PKP3: variants seen among roughly 807,000 people sequenced by gnomAD.
PKP3 encodes plakophilin 3, also known as plakophilin-3.
A neutral mutation model predicts 76.5 loss-of-function variants in PKP3; 66 were observed. The ratio of observed to expected loss-of-function variants is 0.86; its 90% CI spans 0.71 to 1.06. The LOEUF is 1.06. Ranked by LOEUF, PKP3 falls within the 50% of genes least tolerant of loss-of-function variation. The pLI is 0.00. For missense variants in PKP3, 1,338 were observed against 1,141.0 expected (o/e 1.17, Z -2.49); for synonymous variants, 638 against 516.5 (o/e 1.24, Z -3.19).
intron 1 of PKP3, among the ~76,000 whole-genome samples, 161 bp downstream of exon 1, chr11:394,685 T>G (rs554382627): frequency 1.3e-5 from 2 of 152,074 alleles, no homozygotes; most frequent in South Asian, 4.1e-4. Flanking sequence ...GGAGAAGCCA[T>G]GGGTGGGGCT....
upstream of PKP3, chr11:392,622 C>A (rs1295995173): frequency 7.8e-7 from 1 of 1,284,382 alleles, no homozygotes. Flanking sequence ...ACGCGCCGGG[C>A]CAGGGATGGA....
At chr11:403,580 G>C in intron 9 of PKP3, 38 bp from the exon 10 acceptor site, 1 of 1,591,520 alleles carries the variant, frequency 6.3e-7, no homozygotes, top group Middle Eastern at 1.8e-4. Flanking sequence ...GAGGGTCTGA[G>C]GCCTCCGGGT....
rs1389553359 is a variant in PKP3 at position 400,593 on chromosome 11, T to A, written c.1625T>A (p.Met542Lys). The A allele has an allele frequency of 6.8e-7, 1 of 1,469,896 alleles. No individual in the cohort carries two copies. Among genetic ancestry groups the A allele is most frequent in the Non-Finnish European group, 8.9e-7 (1 of 1,120,258 alleles). The allele number at this position is 1,469,896 out of a possible 1,614,324, so 91.1% of individuals were successfully genotyped here. The stretch of plus-strand genomic sequence containing the variant: ...CTGTCCTACCGCCTCTACGACGAGA[T>A]GCCGCCGTCCGCGCTGCAGCGGCTG... Reference protein sequence around the residue: ...RNLSYRLYDEMPPSALQRLEG... With the variant: ...RNLSYRLYDEKPPSALQRLEG... Residue 542 changes from methionine (M) to lysine (K), a missense_variant, in exon 8 of 13, where the codon ATG becomes AAG. Transcript: ENST00000331563.
chr11:404,644 C>A lies in PKP3; in HGVS notation c.*75C>A. On this transcript the variant is annotated 3_prime_UTR_variant, in exon 13 of 13. Transcript: ENST00000331563. The surrounding 1 kb of genome is among the most constrained non-coding windows in gnomAD (Gnocchi z 4.2). ...GACTCAGCTCCAGGCTGCTTGGCAG[C>A]CCAGCCTGGAGGAGAAGGCTAATGA... The A allele has an allele frequency of 6.9e-7, 1 of 1,455,304 alleles. No individual in the cohort carries two copies. Among genetic ancestry groups the A allele is most frequent in the South Asian group, 1.1e-5 (1 of 87,678 alleles). 90.1% of individuals were successfully genotyped at this position (1,455,304 alleles called of 1,614,324 possible).
chr11:400,442 C>G lies in PKP3; in HGVS notation c.1557C>G (p.Cys519Trp). 2.6e-6 allele frequency: 4 copies of G among 1,545,412 alleles called. No individual in the cohort carries two copies. Among genetic ancestry groups the G allele is most frequent in the Non-Finnish European group, 3.5e-6 (4 of 1,144,882 alleles). ...ACCACGCCCTGGACGCGGGCAAATG[C>G]GAGGACAAGGTGAGGGGCGCGGTGT... ...SINHALDAGK[C>W]EDKSVENAVC... is the part of the protein sequence containing the mutation. The change falls in exon 7 of 13, where the codon TGC becomes TGG. Residue 519 changes from cysteine to tryptophan, a missense_variant. Transcript: ENST00000331563.
In PKP3 at chr11:396,672, T is replaced by C. The variant is rs1460903556; in HGVS notation, c.297T>C (p.Ser99=). The C allele has an allele frequency of 1.2e-6, 2 of 1,610,704 alleles. No homozygotes were observed. The highest frequency in any genetic ancestry group is 4.5e-5 in the East Asian group (2 of 44,830). Residue 99 remains serine, a synonymous_variant, in exon 2 of 13, where the codon AGT becomes AGC. Transcript: ENST00000331563. ...AGFSSRSQGL[S]GDKTSGFRPI... is the part of the protein sequence containing the mutation. Reference sequence around the variant, plus strand: ...TCAGCTCTCGCTCTCAGGGCCTGAGTGGGGACAAGACCTCGGTGAGCGATG... The same window carrying C: ...TCAGCTCTCGCTCTCAGGGCCTGAGCGGGGACAAGACCTCGGTGAGCGATG...
chr11:397,260 A>T lies in PKP3; in HGVS notation c.759A>T (p.Arg253=), dbSNP rs751742111. Residue 253 remains arginine (R), a synonymous_variant, in exon 3 of 13, where the codon CGA becomes CGT. Coordinates refer to ENST00000331563, the MANE Select transcript of PKP3 (RefSeq NM_007183.4). ...CCCCTGCCGTGCGGACCCTGCAGCGATTCCAGAGCAGCCACCGGAGCCGCG... is the reference window on the plus strand; with the variant it reads ...CCCCTGCCGTGCGGACCCTGCAGCGTTTCCAGAGCAGCCACCGGAGCCGCG... The part of the protein sequence containing the change: ...IRAPAVRTLQ[R]FQSSHRSRGV... 6.3e-7 allele frequency: 1 copy of T among 1,599,648 alleles called. No individual in the cohort carries two copies. The highest frequency in any genetic ancestry group is 1.1e-5 in the South Asian group (1 of 90,476).
rs1847015080 is a variant in PKP3 at position 394,342 on chromosome 11, T to G, written c.50T>G (p.Val17Gly). 1.3e-6 allele frequency: 2 copies of G among 1,514,234 alleles called. No individual in the cohort carries two copies. The highest frequency in any genetic ancestry group is 2.9e-5 in the African/African-American group (2 of 69,604). The allele number at this position is 1,514,234 out of a possible 1,614,324, so 93.8% of individuals were successfully genotyped here. ...TCGGCCCTGCAGCCTGAGGCCGGCGTGTGCTCCCTGGCGCTGCCCTCTGAC... is the reference window on the plus strand; with the variant it reads ...TCGGCCCTGCAGCCTGAGGCCGGCGGGTGCTCCCTGGCGCTGCCCTCTGAC... ...LLSALQPEAG[V>G]CSLALPSDLQ... is the part of the protein sequence containing the mutation. The change falls in exon 1 of 13, where the codon GTG (valine) becomes GGG (glycine). Residue 17 changes from valine (V) to glycine (G), a missense_variant. Physicochemically the swap from Val to Gly is moderately radical, Grantham distance 109. Transcript: ENST00000331563.
At chr11:393,127 G>A (rs1004847375), upstream of PKP3, among the ~76,000 whole-genome samples, 2 of 138,220 alleles carry the variant, frequency 1.4e-5, no homozygotes, top group East Asian at 2.1e-4. Context: ...CCAGGGGCTT[G>A]TCCCAGAGGC....
At chr11:400,738 G>C (rs1382965956) in intron 8 of PKP3, 33 bp downstream of exon 8, 4 of 1,167,960 alleles carry the variant, frequency 3.4e-6, no homozygotes, top group Non-Finnish European at 4.3e-6. Context: ...CGTGGGGTGG[G>C]TGCTGCGACC....
Position 397,309 on chromosome 11 carries a change from G to A in PKP3, c.808G>A (p.Ala270Thr), listed in dbSNP as rs761955969. 8 of 1,590,704 alleles carry A rather than the reference G, an allele frequency of 5.0e-6. No homozygotes were observed. The South Asian group carries it at 5.6e-5, about 11-fold the overall frequency. Reference sequence around the variant, plus strand: ...CGGGGTAGGCGGGGCAGTGCCGGGGGCCGTCCTGGAGCCAGTGGCTCGAGC... The same window carrying A: ...CGGGGTAGGCGGGGCAGTGCCGGGGACCGTCCTGGAGCCAGTGGCTCGAGC... ...SRGVGGAVPGAVLEPVARAPS... is the reference protein window; with the variant it reads ...SRGVGGAVPGTVLEPVARAPS... Residue 270 changes from alanine to threonine, a missense_variant, in exon 3 of 13, where the codon GCC (alanine) becomes ACC (threonine). Transcript: ENST00000331563.
chr11:400,735 T>TG, intron 8 of PKP3, 30 bp downstream of exon 8: 1 of 1,180,956 alleles, frequency 8.5e-7, no homozygotes, highest in East Asian at 3.5e-5. Context: ...GGGCGTGGGG[T>TG]GGGTGCTGCG....
Position 394,524 on chromosome 11 carries a change from G to C in PKP3, c.232G>C (p.Gly78Arg). Reference protein sequence around the residue: ...EPEPEAETARGTSRGQYHTLQ... With the variant: ...EPEPEAETARRTSRGQYHTLQ... ...CGAGCCTGAGGCCGAGACTGCCAGAGGTAGGCGGTGGGGACAGCGGCGGGG... is the reference window on the plus strand; with the variant it reads ...CGAGCCTGAGGCCGAGACTGCCAGACGTAGGCGGTGGGGACAGCGGCGGGG... Residue 78 changes from glycine (G) to arginine (R), a missense_variant and splice_region_variant, in exon 1 of 13, where the codon GGC becomes CGC. By Grantham distance (125) the Gly-to-Arg change is moderately radical (BLOSUM62 -2). Transcript: ENST00000331563. The C allele has an allele frequency of 7.3e-7, 1 of 1,376,884 alleles. No homozygotes were observed. The allele number at this position is 1,376,884 out of a possible 1,614,324, so 85.3% of individuals were successfully genotyped here. A position where few individuals can be genotyped will look rare whatever the true frequency, so the allele number is the denominator to read the frequency against.
At chr11:400,772 G>T in intron 8 of PKP3, 67 bp downstream of exon 8, 1 of 793,844 alleles carries the variant, frequency 1.3e-6, no homozygotes, top group Non-Finnish European at 1.5e-6. Flanking sequence ...CCCCGGCCCC[G>T]CTCACCCCCG....
rs531842801 is a variant in PKP3 at position 399,094 on chromosome 11, G to C, written c.1171G>C (p.Asp391His). 1 of 1,611,932 alleles carries C rather than the reference G, an allele frequency of 6.2e-7. No individual in the cohort carries two copies. Among genetic ancestry groups the C allele is most frequent in the East Asian group, 2.2e-5 (1 of 44,868 alleles). The change falls in exon 5 of 13, where the codon GAC (aspartate) becomes CAC (histidine). Residue 391 changes from aspartate (D) to histidine (H), a missense_variant. Asp to His is a moderately conservative substitution (Grantham distance 81, BLOSUM62 -1). Transcript: ENST00000331563. ...ATGAMRNLIYDNADNKLALVE... is the reference protein window; with the variant it reads ...ATGAMRNLIYHNADNKLALVE... Reference sequence around the variant, plus strand: ...AGGTGCCATGCGCAACCTCATCTACGACAACGCTGACAACAAGCTGGCCCT... The same window carrying C: ...AGGTGCCATGCGCAACCTCATCTACCACAACGCTGACAACAAGCTGGCCCT...
upstream of PKP3, chr11:392,608 C>G: frequency 7.8e-7 from 1 of 1,276,950 alleles, no homozygotes. Context: ...AGAGGCTGCC[C>G]CGCACGCGCC....
At position 404,374 on chromosome 11, in the gene PKP3, A is replaced by G; in HGVS notation, c.2358+51A>G. ...CAGGGACCCGGGTGCAGGGCATGGG[A>G]CGCCGGGGGAGGGTCAGTGAAGAGG... On this transcript the variant is annotated intron_variant, in intron 12 of 12. Coordinates refer to ENST00000331563, the MANE Select transcript of PKP3 (RefSeq NM_007183.4). The surrounding 1 kb of genome is among the most constrained non-coding windows in gnomAD (Gnocchi z 4.2). The G allele has an allele frequency of 6.5e-7, 1 of 1,539,832 alleles. No homozygotes were observed. The highest frequency in any genetic ancestry group is 1.4e-5 in the African/African-American group (1 of 73,460).
rs747677375 is a variant in PKP3, at chr11:399,075, C to T, written c.1152C>T (p.Ala384=). 3.7e-6 allele frequency: 6 copies of T among 1,611,538 alleles called. No individual in the cohort carries two copies. Among genetic ancestry groups the T allele is most frequent in the East Asian group, 2.2e-5 (1 of 44,854 alleles). The stretch of plus-strand genomic sequence containing the variant: ...AAGTGCAGCGCCATGCCACAGGTGC[C>T]ATGCGCAACCTCATCTACGACAACG... ...NQEVQRHATG[A]MRNLIYDNAD... The change falls in exon 5 of 13, where the codon GCC becomes GCT. Residue 384 remains alanine (A), a synonymous_variant. Coordinates refer to ENST00000331563, the MANE Select transcript of PKP3 (RefSeq NM_007183.4).
Position 396,627 on chromosome 11 carries a change from C to A in PKP3, c.252C>A (p.Tyr84Ter). The A allele has an allele frequency of 6.2e-7, 1 of 1,610,060 alleles. No homozygotes were observed. The highest frequency in any genetic ancestry group is 1.1e-5 in the South Asian group (1 of 90,770). Residue 84 changes from tyrosine to a stop codon, truncating the protein, a stop_gained, in exon 2 of 13, where the codon TAC (tyrosine) becomes TAA (stop). Transcript: ENST00000331563. LOFTEE classifies it high-confidence loss of function. Reference protein sequence around the residue: ...ETARGTSRGQYHTLQAGFSSR... With the variant: ...ETARGTSRGQ ...CCACAGGCACATCCAGGGGGCAGTA[C>A]CACACCCTGCAGGCTGGCTTCAGCT...
Sources: allele counts gnomAD v4.1 joint callset (sites outside exome capture counted in the v4.1 genomes callset), GRCh38; gene constraint gnomAD v4.1.1; non-coding constraint Gnocchi (gnomAD v3.1); transcripts MANE v1.5; gene names NCBI Gene and HGNC (gene_info 2026-07-23, HGNC 2026-07-21).